Variants in PUDP observed in about 807,000 individuals in gnomAD.
PUDP encodes the protein pseudouridine-5'-phosphatase.
PUDP carries 8 observed loss-of-function variants against 9.4 expected under a neutral mutation model. That is an observed-to-expected ratio of 0.85 (90% CI 0.50 to 1.53). The LOEUF (loss-of-function observed/expected upper bound fraction) is 1.53, where lower values mean the gene tolerates loss of function less well. Ranked by LOEUF, PUDP falls within the 40% of genes most tolerant of loss-of-function variation. PUDP has a pLI of 0.00. For synonymous variants in PUDP, 99 were observed against 80.7 expected (o/e 1.23, Z -1.22); for missense variants, 188 against 189.7 (o/e 0.99, Z 0.05).
At chrX:6,793,314 C>A (rs1281722345) in intron 3 of PUDP, among the ~76,000 whole-genome samples, 5 of 111,900 alleles carry the variant, frequency 4.5e-5, no homozygotes, top group Admixed American at 2.8e-4. Flanking sequence ...CTTGCTCTCT[C>A]AAGCCTCATA....
At chrX:6,879,966 C>A (rs1208462556) in intron 3 of PUDP, among the ~76,000 whole-genome samples, 1 of 110,684 alleles carries the variant, frequency 9.0e-6, no homozygotes, top group Non-Finnish European at 1.9e-5. Context: ...ATGTTGCATT[C>A]CCAGCACATT....
chrX:6,744,174 T>C (rs1036724832), intron 3 of PUDP, among the ~76,000 whole-genome samples: 2 of 112,272 alleles, frequency 1.8e-5, no homozygotes, highest in Non-Finnish European at 3.7e-5. Context: ...CAAACACTGC[T>C]GTGCCCCTTA....
chrX:6,725,085 T>C (rs754181174), upstream of PUDP, among the ~76,000 whole-genome samples: 1 of 111,591 alleles, frequency 9.0e-6, no homozygotes, highest in South Asian at 3.9e-4. Context: ...CCCAATGACA[T>C]GGCCATGGAT....
chrX:6,979,932 T>C (rs1019270947), intron 1 of PUDP, among the ~76,000 whole-genome samples: 2 of 111,006 alleles, frequency 1.8e-5, no homozygotes, highest in Non-Finnish European at 3.8e-5. Flanking sequence ...TTAAAAACCA[T>C]ATTTTTTCTT....
chrX:6,802,688 A>C (rs1602625618), intron 3 of PUDP, among the ~76,000 whole-genome samples: 2 of 109,345 alleles, frequency 1.8e-5, no homozygotes, highest in African/African-American at 6.7e-5. Flanking sequence ...GTTCAAGACC[A>C]GCCTGGGCCA....
intron 3 of PUDP, among the ~76,000 whole-genome samples, chrX:6,953,497 A>C (rs1928584182): frequency 9.1e-6 from 1 of 110,361 alleles, no homozygotes; most frequent in Admixed American, 9.7e-5. Context: ...TTTTTTTTCA[A>C]ATGAAGAAAC....
At chrX:7,057,869 C>T in intron 3 of PUDP, 2 of 965,043 alleles carry the variant, frequency 2.1e-6, no homozygotes, top group South Asian at 4.2e-5. Flanking sequence ...GAGGCAGTGT[C>T]AGGAGCTAGG....
At chrX:7,135,324 A>G (rs747887498) in intron 1 of PUDP, among the ~76,000 whole-genome samples, 13 of 112,068 alleles carry the variant, frequency 1.2e-4, no homozygotes, top group Non-Finnish European at 2.4e-4. Context: ...CTCTTTGAAG[A>G]ATTTTAGAAA....
chrX:7,112,310 G>T (rs1254444188), intron 1 of PUDP, among the ~76,000 whole-genome samples: 1 of 112,060 alleles, frequency 8.9e-6, no homozygotes, highest in Non-Finnish European at 1.9e-5. Flanking sequence ...TGGAACATAT[G>T]AATTCTAATA....
chrX:7,035,987 G>C (rs12556879), intron 1 of PUDP, among the ~76,000 whole-genome samples: 2 of 110,603 alleles, frequency 1.8e-5, no homozygotes, highest in Non-Finnish European at 3.8e-5. Context: ...CCACCTCCCC[G>C]GTTTCTCTCT....
intron 1 of PUDP, among the ~76,000 whole-genome samples, chrX:7,119,312 C>T (rs1293599938): frequency 8.9e-6 from 1 of 112,701 alleles, no homozygotes; most frequent in African/African-American, 3.2e-5. Context: ...CAACCACTAA[C>T]GTATTTTGTG....
intron 1 of PUDP, among the ~76,000 whole-genome samples, chrX:6,982,039 C>T (rs780967143): frequency 9.5e-6 from 1 of 104,717 alleles, no homozygotes; most frequent in African/African-American, 3.6e-5. Flanking sequence ...CACACACACA[C>T]ACACACACAC....
intron 3 of PUDP, among the ~76,000 whole-genome samples, chrX:7,076,244 G>A (rs1930896788): frequency 8.9e-6 from 1 of 112,209 alleles, no homozygotes; most frequent in Admixed American, 9.4e-5. Context: ...CGTGATTGGT[G>A]TCACTGGTTA....
At chrX:6,749,937 C>T (rs770228272) in intron 3 of PUDP, among the ~76,000 whole-genome samples, 34 of 111,736 alleles carry the variant, frequency 3.0e-4, no homozygotes, top group African/African-American at 9.8e-4. Flanking sequence ...GCATGAGATT[C>T]GATTATGAAA....
At chrX:7,129,534 C>A (rs1256349238) in intron 1 of PUDP, among the ~76,000 whole-genome samples, 1 of 112,085 alleles carries the variant, frequency 8.9e-6, no homozygotes, top group African/African-American at 3.2e-5. Flanking sequence ...CCAGCCCCAA[C>A]AGTGTGACGT....
At chrX:6,741,160 C>CAAA (rs533050762) in intron 3 of PUDP, among the ~76,000 whole-genome samples, 4,404 of 78,586 alleles carry the variant, frequency 0.056, 138 homozygotes, top group African/African-American at 0.086. Flanking sequence ...ACTCCATCTC[C>CAAA]AAAAAAAAAA....
chrX:6,828,364 A>G (rs1281936891), intron 3 of PUDP, among the ~76,000 whole-genome samples: 9 of 107,011 alleles, frequency 8.4e-5, no homozygotes, highest in South Asian at 4.2e-4. Context: ...GTTGCTATAT[A>G]TGTGTGTGTG....
At chrX:6,912,526 T>C (rs977277390) in intron 3 of PUDP, among the ~76,000 whole-genome samples, 2 of 112,092 alleles carry the variant, frequency 1.8e-5, no homozygotes, top group Non-Finnish European at 3.8e-5. Context: ...CCACATTTTC[T>C]CCTTGAGTCT....
intron 3 of PUDP, among the ~76,000 whole-genome samples, chrX:6,743,696 C>T (rs778037552): frequency 9.0e-6 from 1 of 111,646 alleles, no homozygotes; most frequent in South Asian, 3.7e-4. Context: ...AACGTCAGCT[C>T]CACCACACAT....
Sources: gnomAD v4.1 joint callset for allele counts (sites outside exome capture counted in the v4.1 genomes callset) on GRCh38, gnomAD v4.1.1 for gene constraint, MANE v1.5 for transcripts, NCBI Gene and HGNC (gene_info 2026-07-23, HGNC 2026-07-21) for gene names.